The following AP3S1 variants were observed in gnomAD, a reference collection of about 807,000 sequenced individuals.
AP3S1 encodes adaptor related protein complex 3 subunit sigma 1.
A neutral mutation model predicts 21.3 loss-of-function variants in AP3S1; 12 were observed. The observed-to-expected ratio is 0.56, with a 90% CI of 0.36 to 0.91. The LOEUF (loss-of-function observed/expected upper bound fraction) is 0.91, where lower values mean the gene tolerates loss of function less well. AP3S1 is among the 40% of genes least tolerant of loss of function. The probability of loss-of-function intolerance (pLI) is 0.01; values close to 1 mark genes in which losing one functional copy is unlikely to be tolerated. For missense variants in AP3S1, 116 were observed against 225.0 expected (o/e 0.52, Z 3.10); for synonymous variants, 48 against 78.4 (o/e 0.61, Z 2.05).
intron 4 of AP3S1, among the ~76,000 whole-genome samples, chr5:115,895,508 T>C (rs1471664975): frequency 1.3e-5 from 2 of 152,168 alleles, no homozygotes; most frequent in Non-Finnish European, 2.9e-5. Flanking sequence ...ATATCATACA[T>C]AGAAAAGGAG....
intron 3 of AP3S1, among the ~76,000 whole-genome samples, chr5:115,889,060 A>G (rs926494963): frequency 1.2e-4 from 19 of 152,186 alleles, no homozygotes; most frequent in African/African-American, 4.6e-4. Context: ...TGCTGCCTCT[A>G]TAGGCAACCC....
chr5:115,854,389 C>A (rs1039923283), intron 1 of AP3S1, among the ~76,000 whole-genome samples: 3 of 152,092 alleles, frequency 2.0e-5, no homozygotes, highest in African/African-American at 4.8e-5. Flanking sequence ...GGAGAGAATT[C>A]TTCTCTAAAG....
chr5:115,912,690 T>C (rs1457213185), intron 5 of AP3S1, among the ~76,000 whole-genome samples: 5 of 152,100 alleles, frequency 3.3e-5, no homozygotes, highest in Non-Finnish European at 5.9e-5. Context: ...TTAATCGTTA[T>C]ATTTTTACTA....
intron 4 of AP3S1, among the ~76,000 whole-genome samples, chr5:115,902,015 G>A (rs912971055): frequency 6.6e-6 from 1 of 152,044 alleles, no homozygotes; most frequent in African/African-American, 2.4e-5. Flanking sequence ...ATCCTATGAG[G>A]TGCCTATATT....
intron 1 of AP3S1, among the ~76,000 whole-genome samples, chr5:115,857,670 G>A (rs552221307): frequency 5.3e-5 from 8 of 152,174 alleles, no homozygotes; most frequent in Middle Eastern, 6.8e-3. Context: ...GTTTATGTAC[G>A]TGTCTAAATA....
At chr5:115,910,555 G>A (rs1365980441) in intron 5 of AP3S1, among the ~76,000 whole-genome samples, 1 of 151,588 alleles carries the variant, frequency 6.6e-6, no homozygotes, top group African/African-American at 2.4e-5. Context: ...TCATACCTCT[G>A]TGTCAGCAAA....
intron 1 of AP3S1, among the ~76,000 whole-genome samples, chr5:115,851,585 G>A (rs1328949529): frequency 6.6e-6 from 1 of 152,034 alleles, no homozygotes; most frequent in Non-Finnish European, 1.5e-5. Context: ...TTGTGGGTCT[G>A]TTTGTGTGTT....
intron 1 of AP3S1, among the ~76,000 whole-genome samples, chr5:115,849,751 T>C (rs1047474360): frequency 1.3e-5 from 2 of 152,128 alleles, no homozygotes; most frequent in Admixed American, 6.5e-5. Flanking sequence ...GCTAGGCCAG[T>C]GAATGAAGGT....
chr5:115,841,970 C>G lies in AP3S1; in HGVS notation c.-68C>G, dbSNP rs1283703068. ...TGGGGAAGGATCGCAGGCGAGATTA[C>G]GAGGCGAGGCTCGCGCGCCCGCCCC... On this transcript the variant is annotated 5_prime_UTR_variant, in exon 1 of 6. Coordinates refer to ENST00000316788, the MANE Select transcript of AP3S1 (RefSeq NM_001284.4). 3 of 1,462,000 alleles carry G rather than the reference C, an allele frequency of 2.1e-6. No individual in the cohort carries two copies. The highest frequency in any genetic ancestry group is 2.7e-5 in the South Asian group (2 of 73,556). 90.6% of individuals were successfully genotyped at this position (1,462,000 alleles called of 1,614,324 possible). A position where few individuals can be genotyped will look rare whatever the true frequency, so the allele number is the denominator to read the frequency against.
chr5:115,910,920 G>T (rs1752050881), intron 5 of AP3S1, among the ~76,000 whole-genome samples: 1 of 152,084 alleles, frequency 6.6e-6, no homozygotes, highest in African/African-American at 2.4e-5. Context: ...ACATGCTTGA[G>T]AAATAATTTG....
chr5:115,884,392 C>T (rs923197928), intron 3 of AP3S1, among the ~76,000 whole-genome samples: 48 of 152,196 alleles, frequency 3.2e-4, no homozygotes, highest in African/African-American at 1.1e-3. Flanking sequence ...GGTGAAACCC[C>T]GTCTCTACTA....
intron 3 of AP3S1, among the ~76,000 whole-genome samples, chr5:115,885,852 T>C (rs905060023): frequency 6.6e-6 from 1 of 152,232 alleles, no homozygotes; most frequent in African/African-American, 2.4e-5. Context: ...GTGTTTGTAG[T>C]TAGTTCTTTT....
intron 3 of AP3S1, among the ~76,000 whole-genome samples, chr5:115,870,504 A>G (rs1479435923): frequency 6.6e-6 from 1 of 152,146 alleles, no homozygotes; most frequent in African/African-American, 2.4e-5. Context: ...TTTTATCTTC[A>G]GCCTCTTCTG....
intron 5 of AP3S1, among the ~76,000 whole-genome samples, chr5:115,909,943 G>A (rs181321954): frequency 6.6e-6 from 1 of 152,014 alleles, no homozygotes; most frequent in Non-Finnish European, 1.5e-5. Flanking sequence ...TAATAAAAGA[G>A]AACAGTTATA....
chr5:115,870,473 G>A (rs1748133726), intron 3 of AP3S1, among the ~76,000 whole-genome samples: 1 of 152,234 alleles, frequency 6.6e-6, no homozygotes, highest in Middle Eastern at 3.4e-3. Context: ...GGAACTCAAG[G>A]TCAGTCATCA....
At chr5:115,885,140 A>G (rs1749668686) in intron 3 of AP3S1, among the ~76,000 whole-genome samples, 1 of 152,210 alleles carries the variant, frequency 6.6e-6, no homozygotes, top group Admixed American at 6.5e-5. Context: ...GGTTCCAAAG[A>G]CAACATTAAT....
chr5:115,903,481 C>G (rs1751388101), intron 5 of AP3S1: 1 of 152,572 alleles, frequency 6.6e-6, no homozygotes, highest in Non-Finnish European at 1.5e-5. Flanking sequence ...AGTTCACATT[C>G]AAAAAAGAAA....
intron 3 of AP3S1, among the ~76,000 whole-genome samples, chr5:115,885,263 G>A (rs1010266866): frequency 2.6e-5 from 4 of 152,106 alleles, no homozygotes; most frequent in Non-Finnish European, 5.9e-5. Context: ...CAATCACAAG[G>A]CAAAGTCCTA....
At chr5:115,883,964 A>T (rs529704086) in intron 3 of AP3S1, among the ~76,000 whole-genome samples, 43 of 152,326 alleles carry the variant, frequency 2.8e-4, no homozygotes, top group African/African-American at 1.0e-3. Flanking sequence ...TAAATTCAAC[A>T]TACAAATCAA....
Sources: allele counts gnomAD v4.1 joint callset (sites outside exome capture counted in the v4.1 genomes callset), GRCh38; gene constraint gnomAD v4.1.1; transcripts MANE v1.5; gene names NCBI Gene and HGNC (gene_info 2026-07-23, HGNC 2026-07-21).